Variants in TUSC3 observed in about 807,000 individuals in gnomAD.
TUSC3 encodes the protein tumor suppressor candidate 3, also known as dolichyl-diphosphooligosaccharide--protein glycosyltransferase subunit TUSC3.
TUSC3 carries 45 observed loss-of-function variants against 44.8 expected under a neutral mutation model. The ratio of observed to expected loss-of-function variants is 1.00; its 90% CI spans 0.79 to 1.29. The LOEUF is 1.29. TUSC3 is among the 50% of genes most tolerant of loss of function. TUSC3 has a pLI of 0.00. For missense variants in TUSC3, 519 were observed against 437.9 expected (o/e 1.19, Z -1.65); for synonymous variants, 212 against 152.9 (o/e 1.39, Z -2.85).
At chr8:15,771,458 CATT>C (rs1812437733), downstream of TUSC3, among the ~76,000 whole-genome samples, 2 of 152,030 alleles carry the variant, frequency 1.3e-5, no homozygotes, top group Middle Eastern at 6.8e-3. Context: ...AAATGAAAAA[CATT>C]ATTAAAAGAA....
chr8:15,607,743 T>A (rs903528585), intron 1 of TUSC3, among the ~76,000 whole-genome samples: 13 of 152,174 alleles, frequency 8.5e-5, no homozygotes, highest in Non-Finnish European at 1.9e-4. Context: ...GTGTCCTTCC[T>A]TCAATATGCA....
rs143001873 is a variant in TUSC3, at chr8:15,658,167, G to C, written c.427-1340G>C. 3.1e-3 allele frequency among the ~76,000 whole-genome samples: 467 copies of C among 152,268 alleles called. 2 individuals carry two copies. The highest frequency in any genetic ancestry group is 0.011 in the African/African-American group (456 of 41,548). On this transcript the variant is annotated intron_variant, in intron 3 of 10. Transcript: ENST00000503731. Reference sequence around the variant, plus strand: ...ATGGACCAACTCTTAATCTTTAGCAGTAGTGTTTGAAGAGCACTAATGTAG... The same window carrying C: ...ATGGACCAACTCTTAATCTTTAGCACTAGTGTTTGAAGAGCACTAATGTAG...
At chr8:15,572,262 G>A (rs1802906866) in intron 1 of TUSC3, among the ~76,000 whole-genome samples, 1 of 152,248 alleles carries the variant, frequency 6.6e-6, no homozygotes, top group African/African-American at 2.4e-5. Flanking sequence ...AACACTTGCT[G>A]CTTCATCTTG....
chr8:15,774,293 C>T, the TUSC3 span, among the ~76,000 whole-genome samples: 11 of 152,108 alleles, frequency 7.2e-5, no homozygotes, highest in Non-Finnish European at 8.8e-5. Flanking sequence ...TACATCCTTA[C>T]TTGGAAATAG....
chr8:15,697,511 G>A (rs1248305296), intron 6 of TUSC3, among the ~76,000 whole-genome samples: 1 of 152,136 alleles, frequency 6.6e-6, no homozygotes, highest in South Asian at 2.1e-4. Context: ...GTGCTGGGGG[G>A]TCTAGTTCGC....
At chr8:15,651,805 G>A (rs902115278) in intron 3 of TUSC3, among the ~76,000 whole-genome samples, 1 of 152,180 alleles carries the variant, frequency 6.6e-6, no homozygotes, top group Non-Finnish European at 1.5e-5. Flanking sequence ...TATAGAGCAA[G>A]GTATTAGACT....
the TUSC3 span, among the ~76,000 whole-genome samples, chr8:15,774,329 G>C: frequency 6.6e-6 from 1 of 152,100 alleles, no homozygotes; most frequent in African/African-American, 2.4e-5. Flanking sequence ...AATTAGTTAA[G>C]ATGAGGTCAT....
intron 6 of TUSC3, among the ~76,000 whole-genome samples, chr8:15,679,166 C>T (rs1808308414): frequency 6.6e-6 from 1 of 152,054 alleles, no homozygotes. Flanking sequence ...ATTTTAGTTC[C>T]TTGAAAAATC....
At chr8:15,433,077 C>G (rs1027652788) in intron 1 of TUSC3, among the ~76,000 whole-genome samples, 1 of 152,164 alleles carries the variant, frequency 6.6e-6, no homozygotes, top group African/African-American at 2.4e-5. Context: ...GACCCAATCT[C>G]CAAATAAACA....
chr8:15,534,180 T>A (rs1801490277), intron 2 of TUSC3, among the ~76,000 whole-genome samples: 1 of 152,134 alleles, frequency 6.6e-6, no homozygotes, highest in African/African-American at 2.4e-5. Flanking sequence ...CTTATTACTA[T>A]AATTATGAGA....
At chr8:15,462,062 A>G (rs755133530) in intron 1 of TUSC3, among the ~76,000 whole-genome samples, 8 of 152,074 alleles carry the variant, frequency 5.3e-5, no homozygotes, top group African/African-American at 1.4e-4. Context: ...TGAAATATCA[A>G]TCATTCTTTA....
intron 1 of TUSC3, among the ~76,000 whole-genome samples, chr8:15,455,453 GTATACACACCTA>G (rs1800242975): frequency 2.0e-5 from 3 of 151,598 alleles, no homozygotes; most frequent in Admixed American, 6.6e-5. Context: ...ACACACCTAT[GTATACACACCTA>G]TGTATACATG....
At chr8:15,676,770 T>C (rs572836395) in intron 6 of TUSC3, among the ~76,000 whole-genome samples, 2 of 152,316 alleles carry the variant, frequency 1.3e-5, no homozygotes, top group Admixed American at 1.3e-4. Context: ...TATCAGAGTA[T>C]TGAAAGTGAG....
intron 6 of TUSC3, among the ~76,000 whole-genome samples, chr8:15,720,527 G>A (rs889335287): frequency 6.6e-6 from 1 of 151,986 alleles, no homozygotes; most frequent in Non-Finnish European, 1.5e-5. Context: ...TTATCATACT[G>A]TTGTGCTATA....
At position 15,637,656 on chromosome 8, in the gene TUSC3, C is replaced by CT. The variant is rs200165865; in HGVS notation, c.309-13032dup. Among the ~76,000 whole-genome samples, 74 of 151,096 alleles carry CT rather than the reference C, an allele frequency of 4.9e-4. No homozygotes were observed. The East Asian group carries it at 9.5e-3, about 19-fold the overall frequency. Reference sequence around the variant, plus strand: ...GTTGATCATTTGCTGCTTCTTAAAACTTTTTTTTTACCCCTTTCCTATACC... The same window carrying CT: ...GTTGATCATTTGCTGCTTCTTAAAACTTTTTTTTTTACCCCTTTCCTATACC... On this transcript the variant is annotated intron_variant, in intron 2 of 10. Coordinates refer to ENST00000503731, the MANE Select transcript of TUSC3 (RefSeq NM_006765.4).
chr8:15,652,808 G>C (rs1184502142), intron 3 of TUSC3, among the ~76,000 whole-genome samples: 2 of 152,142 alleles, frequency 1.3e-5, no homozygotes, highest in African/African-American at 2.4e-5. Context: ...AAGACTGCTA[G>C]AGCACAGTCT....
intron 1 of TUSC3, among the ~76,000 whole-genome samples, chr8:15,454,503 G>T (rs1800232309): frequency 6.6e-6 from 1 of 152,158 alleles, no homozygotes; most frequent in Non-Finnish European, 1.5e-5. Flanking sequence ...ATTTTGCTTT[G>T]CCAGGGTTTC....
intron 6 of TUSC3, among the ~76,000 whole-genome samples, chr8:15,682,741 C>G (rs955772267): frequency 2.0e-5 from 3 of 150,570 alleles, no homozygotes; most frequent in African/African-American, 7.3e-5. Context: ...TATAGAGTCT[C>G]TGGGCCATGT....
intron 5 of TUSC3, among the ~76,000 whole-genome samples, chr8:15,664,865 A>G (rs1038253341): frequency 2.7e-5 from 4 of 150,748 alleles, no homozygotes; most frequent in African/African-American, 7.3e-5. Flanking sequence ...ATGTATATAT[A>G]AATATATAAA....
Sources: gnomAD v4.1 joint callset for allele counts (sites outside exome capture counted in the v4.1 genomes callset) on GRCh38, gnomAD v4.1.1 for gene constraint, MANE v1.5 for transcripts, NCBI Gene and HGNC (gene_info 2026-07-23, HGNC 2026-07-21) for gene names.